The following FBXL17 variants were observed in gnomAD, a reference collection of about 807,000 sequenced individuals.
FBXL17 encodes F-box/LRR-repeat protein 17.
A neutral mutation model predicts 66.2 loss-of-function variants in FBXL17; 22 were observed. That is an observed-to-expected ratio of 0.33 (90% CI 0.24 to 0.47). FBXL17 has a LOEUF of 0.47. FBXL17 is among the 20% of genes least tolerant of loss of function. FBXL17 has a pLI of 1.00. For synonymous variants in FBXL17, 474 were observed against 400.5 expected (o/e 1.18, Z -2.19); for missense variants, 878 against 948.2 (o/e 0.93, Z 0.97).
intron 3 of FBXL17, among the ~76,000 whole-genome samples, chr5:108,352,508 TTTG>T (rs1747715817): frequency 6.6e-6 from 1 of 152,192 alleles, no homozygotes; most frequent in South Asian, 2.1e-4. Context: ...ACAATTCTTT[TTTG>T]TTGTTGTTTT....
intron 3 of FBXL17, among the ~76,000 whole-genome samples, chr5:108,354,950 A>C (rs1747880974): frequency 6.6e-6 from 1 of 152,082 alleles, no homozygotes; most frequent in South Asian, 2.1e-4. Context: ...TGAAGGAGAA[A>C]TAAAGACTTT....
rs1294290778 is a variant in FBXL17 at position 108,232,794 on chromosome 5, T to TATATATATATATATATATATATAAA, written c.1507-8567_1507-8566insTTTATATATATATATATATATATAT. Among the ~76,000 whole-genome samples, 36 of 124,850 alleles carry TATATATATATATATATATATATAAA rather than the reference T, an allele frequency of 2.9e-4. 1 individual carries two copies. Among genetic ancestry groups the TATATATATATATATATATATATAAA allele is most frequent in the African/African-American group, 1.1e-3 (33 of 31,152 alleles). 81.9% of individuals were successfully genotyped at this position (124,850 alleles called of 152,430 possible). A position where few individuals can be genotyped will look rare whatever the true frequency, so the allele number is the denominator to read the frequency against. On this transcript the variant is annotated intron_variant, in intron 4 of 8. Transcript: ENST00000542267. ...GAATAAGCTCTCACATATATATATA[T>TATATATATATATATATATATATAAA]ATATATATATAATATATACTATTAG...
chr5:108,153,678 T>TA (rs1369034605), intron 6 of FBXL17, among the ~76,000 whole-genome samples: 4 of 151,828 alleles, frequency 2.6e-5, no homozygotes, highest in African/African-American at 7.3e-5. Context: ...GAAATTTCAT[T>TA]AAAAAAAATA....
intron 8 of FBXL17, chr5:107,879,715 A>T: frequency 2.0e-6 from 2 of 985,426 alleles, no homozygotes; most frequent in Non-Finnish European, 2.4e-6. Context: ...ATTTAGTTTC[A>T]CATTATTTTG....
Position 108,285,370 on chromosome 5 carries a change from T to C in FBXL17, c.1507-61142A>G, listed in dbSNP as rs116242571. Among the ~76,000 whole-genome samples, 823 of 151,888 alleles carry C rather than the reference T, an allele frequency of 5.4e-3. 10 individuals carry two copies. Among genetic ancestry groups the C allele is most frequent in the African/African-American group, 0.019 (782 of 41,498 alleles). The stretch of plus-strand genomic sequence containing the variant: ...TCTAGAATGGTGAATCCTTTCCAGG[T>C]TTTCAATTTACTTTGCCAAAGAGGA... On this transcript the variant is annotated intron_variant, in intron 4 of 8. Coordinates refer to ENST00000542267, the MANE Select transcript of FBXL17 (RefSeq NM_001163315.3).
intron 6 of FBXL17, among the ~76,000 whole-genome samples, chr5:108,176,758 T>A (rs1474511538): frequency 6.6e-6 from 1 of 152,216 alleles, no homozygotes; most frequent in South Asian, 2.1e-4. Context: ...CTATAAGTAC[T>A]AAAAGAATCA....
intron 1 of FBXL17, among the ~76,000 whole-genome samples, chr5:108,374,039 C>A (rs1749250190): frequency 6.6e-6 from 1 of 152,066 alleles, no homozygotes; most frequent in East Asian, 1.9e-4. Flanking sequence ...AAGCATGGAA[C>A]AATACATATA....
intron 6 of FBXL17, among the ~76,000 whole-genome samples, chr5:108,086,408 T>C (rs927062917): frequency 2.6e-5 from 4 of 152,212 alleles, no homozygotes; most frequent in African/African-American, 9.7e-5. Flanking sequence ...TGTCTATTCT[T>C]CATCAAACCT....
At chr5:107,968,929 G>C (rs554672448) in intron 7 of FBXL17, among the ~76,000 whole-genome samples, 14 of 152,094 alleles carry the variant, frequency 9.2e-5, no homozygotes, top group African/African-American at 2.4e-4. Context: ...AAATGGCCAT[G>C]ATGACCCCCC....
At chr5:108,099,718 AG>A (rs1749530354) in intron 6 of FBXL17, among the ~76,000 whole-genome samples, 1 of 152,234 alleles carries the variant, frequency 6.6e-6, no homozygotes, top group African/African-American at 2.4e-5. Flanking sequence ...ACAAAACAGA[AG>A]GAAGGTCAGA....
chr5:108,077,011 A>G (rs771330875), intron 6 of FBXL17, among the ~76,000 whole-genome samples: 1 of 152,196 alleles, frequency 6.6e-6, no homozygotes, highest in Non-Finnish European at 1.5e-5. Context: ...TTCCAGACCT[A>G]AGGTAAGTAC....
At chr5:107,908,097 A>G (rs1421248623) in intron 7 of FBXL17, among the ~76,000 whole-genome samples, 2 of 152,224 alleles carry the variant, frequency 1.3e-5, no homozygotes, top group Non-Finnish European at 2.9e-5. Flanking sequence ...CATATACACC[A>G]TGGAATACTA....
chr5:108,178,299 TG>T (rs1252624472), intron 6 of FBXL17, among the ~76,000 whole-genome samples: 1 of 152,088 alleles, frequency 6.6e-6, no homozygotes, highest in Non-Finnish European at 1.5e-5. Context: ...CCACCCTCCT[TG>T]GCCTCCCAAA....
intron 8 of FBXL17, among the ~76,000 whole-genome samples, chr5:107,876,852 C>T (rs915222728): frequency 2.0e-5 from 3 of 152,130 alleles, no homozygotes; most frequent in East Asian, 1.9e-4. Flanking sequence ...CGACCAAAGC[C>T]GCTGTTTATA....
chr5:108,217,920 G>T (rs1000910055), intron 5 of FBXL17, among the ~76,000 whole-genome samples: 1 of 151,550 alleles, frequency 6.6e-6, no homozygotes, highest in African/African-American at 2.4e-5. Flanking sequence ...CTCCCTCCAG[G>T]TTCATCCATG....
At chr5:108,242,482 A>C (rs1403206605) in intron 4 of FBXL17, among the ~76,000 whole-genome samples, 1 of 151,984 alleles carries the variant, frequency 6.6e-6, no homozygotes, top group African/African-American at 2.4e-5. Flanking sequence ...TCAGCCTCCA[A>C]AAGTGCTCGG....
At chr5:107,924,816 A>C (rs1321059543) in intron 7 of FBXL17, among the ~76,000 whole-genome samples, 1 of 152,210 alleles carries the variant, frequency 6.6e-6, no homozygotes, top group Admixed American at 6.5e-5. Context: ...TTAAGAATTC[A>C]ATAAAATTTC....
intron 4 of FBXL17, among the ~76,000 whole-genome samples, chr5:108,295,329 CAT>C (rs1408714558): frequency 6.6e-6 from 1 of 151,674 alleles, no homozygotes; most frequent in Non-Finnish European, 1.5e-5. Flanking sequence ...TAAAAAATAA[CAT>C]TGAGCATTTA....
chr5:108,283,317 CA>C (rs1458071643), intron 4 of FBXL17, among the ~76,000 whole-genome samples: 1 of 151,630 alleles, frequency 6.6e-6, no homozygotes. Context: ...TTACAGTAAC[CA>C]AAACAGCATG....
Sources: gnomAD v4.1 joint callset for allele counts (sites outside exome capture counted in the v4.1 genomes callset) on GRCh38, gnomAD v4.1.1 for gene constraint, MANE v1.5 for transcripts, NCBI Gene and HGNC (gene_info 2026-07-23, HGNC 2026-07-21) for gene names.